CRCP: variants seen among roughly 807,000 people sequenced by gnomAD.
The protein encoded by CRCP is CGRP receptor component.
In CRCP, 18 loss-of-function variants were observed where a neutral mutation model predicts 18.5. The observed-to-expected ratio is 0.97, with a 90% CI of 0.67 to 1.44. The LOEUF (loss-of-function observed/expected upper bound fraction) is 1.44. CRCP is among the 40% of genes most tolerant of loss of function. CRCP has a pLI of 0.00. For missense variants in CRCP, 130 were observed against 176.4 expected, an observed-to-expected ratio of 0.74 and a Z score of 1.49; for synonymous variants, 53 against 62.9, an observed-to-expected ratio of 0.84 and a Z score of 0.75.
chr7:66,130,561 AT>A (rs1158942593), intron 2 of CRCP, among the ~76,000 whole-genome samples, 182 bp from the exon 3 acceptor site: 1 of 152,344 alleles, frequency 6.6e-6, no homozygotes, highest in African/African-American at 2.4e-5. Flanking sequence ...ATAAAAGAAC[AT>A]TTTTTAAAAA....
At position 66,152,515 on chromosome 7, in the gene CRCP, T is replaced by C. The variant is rs1319407054; in HGVS notation, c.*158T>C. The stretch of plus-strand genomic sequence containing the variant: ...CACAAAAATAAGTTAAAAAGAAATA[T>C]TTGTGCCTTGGGGAGAAGAAACATG... On this transcript the variant is annotated 3_prime_UTR_variant, in exon 6 of 6. Coordinates refer to ENST00000395326, the MANE Select transcript of CRCP (RefSeq NM_014478.5). 3 of 775,060 alleles carry C rather than the reference T, an allele frequency of 3.9e-6. No homozygotes were observed. Among genetic ancestry groups the C allele is most frequent in the Non-Finnish European group, 6.0e-6 (3 of 499,244 alleles). 48.0% of individuals were successfully genotyped at this position (775,060 alleles called of 1,614,324 possible).
intron 1 of CRCP, among the ~76,000 whole-genome samples, chr7:66,117,908 T>C (rs910428945): frequency 6.6e-6 from 1 of 152,214 alleles, no homozygotes; most frequent in Admixed American, 6.5e-5. Context: ...CTGAGGACCA[T>C]TGCGTTGTGG....
At position 66,129,797 on chromosome 7, in the gene CRCP, A is replaced by G. The variant is rs935621560; in HGVS notation, c.46-947A>G. Among the ~76,000 whole-genome samples the G allele has an allele frequency of 3.9e-5, 6 of 151,998 alleles. No individual in the cohort carries two copies. In the East Asian group the frequency reaches 5.8e-4, roughly 15 times the overall value. On this transcript the variant is annotated intron_variant, in intron 2 of 5. Transcript: ENST00000395326. ...TTGCATTCATTGATCTCATGCCACT[A>G]TTTCTGAAAGGACCAGCAGATGAGA... is the stretch of plus-strand genomic sequence containing the variant.
At position 66,134,112 on chromosome 7, in the gene CRCP, G is replaced by A. The variant is rs1319607281; in HGVS notation, c.145-168G>A. On this transcript the variant is annotated intron_variant, in intron 3 of 5. Transcript: ENST00000395326. ...TGACCTCAGGTGATTTGGCCACCTC[G>A]GCCTCCCAAAGTGCTGGGATTACAG... 2.6e-5 allele frequency among the ~76,000 whole-genome samples: 4 copies of A among 151,872 alleles called. No individual in the cohort carries two copies. In the East Asian group the frequency reaches 5.8e-4, roughly 22 times the overall value.
chr7:66,118,947 GCTCT>G (rs890725524), intron 1 of CRCP, among the ~76,000 whole-genome samples: 1 of 152,178 alleles, frequency 6.6e-6, no homozygotes, highest in Non-Finnish European at 1.5e-5. Context: ...GAAAACAGAA[GCTCT>G]GTCTGTCTCT....
intron 5 of CRCP, among the ~76,000 whole-genome samples, chr7:66,149,848 C>G (rs1055609359): frequency 8.5e-5 from 13 of 152,140 alleles, no homozygotes; most frequent in African/African-American, 3.1e-4. Context: ...ACTCTGTCAC[C>G]CAGGCTGGAG....
At chr7:66,149,702 C>A (rs942762947) in intron 5 of CRCP, among the ~76,000 whole-genome samples, 1 of 151,974 alleles carries the variant, frequency 6.6e-6, no homozygotes, top group Non-Finnish European at 1.5e-5. Flanking sequence ...CTGCATTAAA[C>A]TAAATGAAAT....
chr7:66,129,218 A>T (rs1787713003), intron 2 of CRCP, among the ~76,000 whole-genome samples: 4 of 152,166 alleles, frequency 2.6e-5, no homozygotes, highest in Admixed American at 2.6e-4. Flanking sequence ...CTGTAATCCC[A>T]GCTGCTCGGG....
chr7:66,150,796 T>G (rs1260463645), intron 5 of CRCP: 1 of 152,156 alleles, frequency 6.6e-6, no homozygotes, highest in East Asian at 1.9e-4. Context: ...TCTGGCCACC[T>G]TGAGCTGAGA....
chr7:66,131,576 G>A (rs1787805184), intron 3 of CRCP, among the ~76,000 whole-genome samples: 1 of 152,062 alleles, frequency 6.6e-6, no homozygotes, highest in African/African-American at 2.4e-5. Flanking sequence ...GTCCCAAAGT[G>A]CTGGGAACTT....
At chr7:66,116,855 T>C (rs577797972) in intron 1 of CRCP, among the ~76,000 whole-genome samples, 2 of 152,292 alleles carry the variant, frequency 1.3e-5, no homozygotes, top group African/African-American at 4.8e-5. Context: ...GCGTGGTGGC[T>C]CATGCCTATA....
chr7:66,139,591 G>C (rs1584089586), intron 4 of CRCP, among the ~76,000 whole-genome samples: 1 of 152,328 alleles, frequency 6.6e-6, no homozygotes, highest in East Asian at 1.9e-4. Context: ...CTTCTGGTTT[G>C]TGTTTTAGGA....
chr7:66,134,442 A>C, intron 4 of CRCP, 68 bp downstream of exon 4: 1 of 1,120,688 alleles, frequency 8.9e-7, no homozygotes, highest in Admixed American at 2.1e-5. Flanking sequence ...ATTCGTAGCA[A>C]CCGTGTATTG....
chr7:66,133,234 G>A (rs1021337973), intron 3 of CRCP, among the ~76,000 whole-genome samples: 27 of 152,010 alleles, frequency 1.8e-4, no homozygotes, highest in African/African-American at 4.1e-4. Flanking sequence ...GGCCGGGTGC[G>A]GTGTCTCATG....
At chr7:66,135,113 T>C (rs1031333606) in intron 4 of CRCP, among the ~76,000 whole-genome samples, 1 of 152,184 alleles carries the variant, frequency 6.6e-6, no homozygotes, top group African/African-American at 2.4e-5. Context: ...AGATAAACCT[T>C]ACAAAGCACT....
At chr7:66,118,275 C>T (rs1361437557) in intron 1 of CRCP, among the ~76,000 whole-genome samples, 1 of 152,204 alleles carries the variant, frequency 6.6e-6, no homozygotes, top group African/African-American at 2.4e-5. Context: ...CACACCTGGC[C>T]ACCTGTTCTT....
rs1788261696 is a variant in CRCP, at chr7:66,145,313, TG to T, written c.240-129del. The T allele has an allele frequency of 3.5e-6, 3 of 857,786 alleles. No homozygotes were observed. The African/African-American group carries it at 5.0e-5, about 14-fold the overall frequency. The allele number at this position is 857,786 out of a possible 1,614,324, so 53.1% of individuals were successfully genotyped here. On this transcript the variant is annotated intron_variant, in intron 4 of 5. Transcript: ENST00000395326. Reference sequence around the variant, plus strand: ...TGTTCCCATTCTCTCGATTTACAGTTGAAGGAACTGAGGGCCACACTCCAGT... The same window carrying T: ...TGTTCCCATTCTCTCGATTTACAGTTAAGGAACTGAGGGCCACACTCCAGT...
chr7:66,136,428 C>G (rs1328771281), intron 4 of CRCP, among the ~76,000 whole-genome samples: 1 of 152,140 alleles, frequency 6.6e-6, no homozygotes, highest in Non-Finnish European at 1.5e-5. Context: ...CGTGGTTTCT[C>G]CATGTTGATC....
chr7:66,135,248 T>G (rs533106931), intron 4 of CRCP, among the ~76,000 whole-genome samples: 1 of 152,338 alleles, frequency 6.6e-6, no homozygotes, highest in South Asian at 2.1e-4. Context: ...ATTATCTAGA[T>G]GAAAATGAGC....
Sources: allele counts gnomAD v4.1 joint callset (sites outside exome capture counted in the v4.1 genomes callset), GRCh38; gene constraint gnomAD v4.1.1; transcripts MANE v1.5; gene names NCBI Gene and HGNC (gene_info 2026-07-23, HGNC 2026-07-21).